The following ABCC1 variants were observed in gnomAD, a reference collection of about 807,000 sequenced individuals.
ABCC1 encodes multidrug resistance-associated protein 1.
Under a neutral mutation model 172.9 loss-of-function variants are expected in ABCC1, and 83 were observed. The ratio of observed to expected loss-of-function variants is 0.48; its 90% CI spans 0.40 to 0.58. The LOEUF is 0.58. Among genes scored for constraint, ABCC1 ranks in the 20% least tolerant of loss-of-function variants. The pLI is 0.00. For synonymous variants in ABCC1, 937 were observed against 825.2 expected (o/e 1.14, Z -2.32); for missense variants, 1,817 against 2,002.7 (o/e 0.91, Z 1.77).
chr16:16,092,679 G>T (rs928071825), intron 19 of ABCC1, among the ~76,000 whole-genome samples: 2 of 152,186 alleles, frequency 1.3e-5, no homozygotes, highest in African/African-American at 4.8e-5. Context: ...GCTGTCATGA[G>T]CCCTGGTGGT....
intron 1 of ABCC1, among the ~76,000 whole-genome samples, chr16:15,985,296 T>C (rs548403040): frequency 2.6e-4 from 40 of 152,308 alleles, no homozygotes; most frequent in African/African-American, 8.7e-4. Flanking sequence ...GGAGGTGCTG[T>C]TGGGCTCAGT....
chr16:15,984,755 T>G (rs897804131), intron 1 of ABCC1, among the ~76,000 whole-genome samples: 1 of 152,188 alleles, frequency 6.6e-6, no homozygotes, highest in East Asian at 1.9e-4. Context: ...ATATATGTAT[T>G]ATATAAACAT....
At chr16:16,133,262 A>G (rs1291116430) in intron 27 of ABCC1, among the ~76,000 whole-genome samples, 1 of 152,180 alleles carries the variant, frequency 6.6e-6, no homozygotes, top group Non-Finnish European at 1.5e-5. Context: ...ATATGGACTT[A>G]TTGAACTGTT....
intron 5 of ABCC1, among the ~76,000 whole-genome samples, chr16:16,025,892 G>A (rs918914151): frequency 1.3e-5 from 2 of 152,182 alleles, no homozygotes; most frequent in Admixed American, 6.5e-5. Flanking sequence ...CTGCTTTCAT[G>A]CTATCTGGGA....
At chr16:16,006,352 A>G (rs2047530087) in intron 1 of ABCC1, among the ~76,000 whole-genome samples, 1 of 152,088 alleles carries the variant, frequency 6.6e-6, no homozygotes, top group Non-Finnish European at 1.5e-5. Flanking sequence ...CCAAAAGTTC[A>G]AGGCACAGGA....
At chr16:16,052,141 A>T (rs2049456075) in intron 10 of ABCC1, among the ~76,000 whole-genome samples, 1 of 152,068 alleles carries the variant, frequency 6.6e-6, no homozygotes, top group African/African-American at 2.4e-5. Context: ...AGTTGGGAGG[A>T]TCACTTGAGC....
chr16:15,990,920 C>A (rs957636338), intron 1 of ABCC1, among the ~76,000 whole-genome samples: 2 of 151,644 alleles, frequency 1.3e-5, no homozygotes, highest in African/African-American at 4.9e-5. Context: ...GCCTTGACCT[C>A]CCAAAGCGGT....
chr16:15,949,771 G>A lies in ABCC1; in HGVS notation c.20G>A (p.Cys7Tyr). 4 of 1,193,954 alleles carry A rather than the reference G, an allele frequency of 3.4e-6. No individual in the cohort carries two copies. The highest frequency in any genetic ancestry group is 4.2e-6 in the Non-Finnish European group (4 of 963,546). 74.0% of individuals were successfully genotyped at this position (1,193,954 alleles called of 1,614,324 possible). A position where few individuals can be genotyped will look rare whatever the true frequency, so the allele number is the denominator to read the frequency against. The part of the protein sequence containing the change: MALRGF[C>Y]SADGSDPLWD... The stretch of plus-strand genomic sequence containing the variant: ...ACCGGCATGGCGCTCCGGGGCTTCT[G>A]CAGCGCCGATGGCTCCGACCCGCTC... Residue 7 changes from cysteine to tyrosine, a missense_variant, in exon 1 of 31, where the codon TGC becomes TAC. Cys to Tyr is a radical substitution (Grantham distance 194). Around this residue, in one of 3 missense-constraint regions of ABCC1, gnomAD observed 398 missense variants for 384.2 expected, o/e 1.04. Coordinates refer to ENST00000399410, the MANE Select transcript of ABCC1 (RefSeq NM_004996.4).
At chr16:15,964,000 A>G (rs1366491525) in intron 1 of ABCC1, among the ~76,000 whole-genome samples, 1 of 151,700 alleles carries the variant, frequency 6.6e-6, no homozygotes, top group Non-Finnish European at 1.5e-5. Flanking sequence ...CTAGAGTGCA[A>G]TGGCATGATC....
intron 5 of ABCC1, among the ~76,000 whole-genome samples, chr16:16,017,705 C>T (rs1362049977): frequency 2.0e-5 from 3 of 152,104 alleles, no homozygotes; most frequent in South Asian, 2.1e-4. Flanking sequence ...CACCACGCCT[C>T]GCCTATTCTT....
At chr16:16,119,827 C>G (rs189343724) in intron 23 of ABCC1, among the ~76,000 whole-genome samples, 1 of 152,214 alleles carries the variant, frequency 6.6e-6, no homozygotes, top group Admixed American at 6.5e-5. Context: ...CTGGATTGTT[C>G]AGAAAGCAAG....
At chr16:16,096,146 G>A (rs1439245798) in intron 19 of ABCC1, among the ~76,000 whole-genome samples, 1 of 151,812 alleles carries the variant, frequency 6.6e-6, no homozygotes, top group Admixed American at 6.6e-5. Context: ...GGAGAATAGC[G>A]TGAATCCGGG....
chr16:15,961,471 A>G (rs2046129990), intron 1 of ABCC1, among the ~76,000 whole-genome samples: 1 of 152,238 alleles, frequency 6.6e-6, no homozygotes, highest in Non-Finnish European at 1.5e-5. Flanking sequence ...AAGAATATAA[A>G]GGGAAAAATA....
At chr16:16,034,541 G>C (rs1175487474) in intron 6 of ABCC1, among the ~76,000 whole-genome samples, 2 of 139,480 alleles carry the variant, frequency 1.4e-5, no homozygotes, top group African/African-American at 5.4e-5. Context: ...AATACCTCCA[G>C]TTTTTCTTGG....
chr16:16,087,818 A>G (rs1475425230), intron 18 of ABCC1, among the ~76,000 whole-genome samples: 1 of 152,214 alleles, frequency 6.6e-6, no homozygotes, highest in African/African-American at 2.4e-5. Flanking sequence ...TAAGAAAAAC[A>G]TGAAAAAGAA....
intron 5 of ABCC1, among the ~76,000 whole-genome samples, chr16:16,031,242 T>C (rs1333689733): frequency 6.6e-6 from 1 of 152,176 alleles, no homozygotes; most frequent in African/African-American, 2.4e-5. Context: ...AAATGCCTTA[T>C]ATCTGCACAA....
At chr16:16,005,378 T>C (rs2047491228) in intron 1 of ABCC1, among the ~76,000 whole-genome samples, 1 of 151,002 alleles carries the variant, frequency 6.6e-6, no homozygotes, top group African/African-American at 2.4e-5. Context: ...AGACACAGTC[T>C]TGCTCTGTTG....
Position 16,136,911 on chromosome 16 carries a change from T to C in ABCC1, c.4292+267T>C, listed in dbSNP as rs1038665945. On this transcript the variant is annotated intron_variant, in intron 29 of 30. Coordinates refer to ENST00000399410, the MANE Select transcript of ABCC1 (RefSeq NM_004996.4). ...CCATTCAGTTGATAGTGGCTGTCAGTTGTTAAGCTATGGAAAGTCTTCTGT... is the reference window on the plus strand; with the variant it reads ...CCATTCAGTTGATAGTGGCTGTCAGCTGTTAAGCTATGGAAAGTCTTCTGT... Among the ~76,000 whole-genome samples, 5 of 152,292 alleles carry C rather than the reference T, an allele frequency of 3.3e-5. No individual in the cohort carries two copies. In the South Asian group the frequency reaches 1.0e-3, roughly 32 times the overall value.
intron 20 of ABCC1, among the ~76,000 whole-genome samples, chr16:16,103,295 G>C (rs1386552078): frequency 6.6e-6 from 1 of 152,232 alleles, no homozygotes; most frequent in East Asian, 1.9e-4. Flanking sequence ...AACTGGCTAA[G>C]TCGGCCAGGC....
Sources: allele counts gnomAD v4.1 joint callset (sites outside exome capture counted in the v4.1 genomes callset), GRCh38; gene constraint gnomAD v4.1.1; regional missense constraint gnomAD v4.1.1; transcripts MANE v1.5; gene names NCBI Gene and HGNC (gene_info 2026-07-23, HGNC 2026-07-21).